The following SLC26A5 variants were observed in gnomAD, a reference collection of about 807,000 sequenced individuals.
SLC26A5 encodes solute carrier family 26 member 5, also known as prestin.
In SLC26A5, 51 loss-of-function variants were observed where a neutral mutation model predicts 81.0. That is an observed-to-expected ratio of 0.63 (90% CI 0.50 to 0.80). The LOEUF is 0.80. Among genes scored for constraint, SLC26A5 ranks in the 30% least tolerant of loss-of-function variants. The pLI is 0.00. For missense variants in SLC26A5, 771 were observed against 905.8 expected, an observed-to-expected ratio of 0.85 and a Z score of 1.91; for synonymous variants, 325 against 332.8, an observed-to-expected ratio of 0.98 and a Z score of 0.25.
rs555014573 is a variant in SLC26A5, at chr7:103,407,750, T to A, written c.888+101A>T. ...AAATTGTAACCTTCTTTTGGCAGAATTGAGAGCAAAAAATTCCTTTCATCC... is the reference window on the plus strand; with the variant it reads ...AAATTGTAACCTTCTTTTGGCAGAAATGAGAGCAAAAAATTCCTTTCATCC... On this transcript the variant is annotated intron_variant, in intron 8 of 19. Transcript: ENST00000306312. The A allele has an allele frequency of 2.2e-6, 3 of 1,366,082 alleles. No homozygotes were observed. The African/African-American group carries it at 4.3e-5, about 20-fold the overall frequency. The allele number at this position is 1,366,082 out of a possible 1,614,324, so 84.6% of individuals were successfully genotyped here.
intron 17 of SLC26A5, 117 bp from the exon 18 acceptor site, chr7:103,377,916 C>A (rs1198871689): frequency 2.2e-5 from 20 of 923,816 alleles, no homozygotes; most frequent in Non-Finnish European, 3.5e-5. Flanking sequence ...CTCTACCAGA[C>A]CCCTTGTAAA....
chr7:103,377,297 C>A (rs969215043), intron 18 of SLC26A5, among the ~76,000 whole-genome samples: 1 of 152,062 alleles, frequency 6.6e-6, no homozygotes, highest in African/African-American at 2.4e-5. Context: ...TAGCAATACA[C>A]ATTAAAATAT....
At chr7:103,364,933 G>C (rs1383221059) in intron 19 of SLC26A5, among the ~76,000 whole-genome samples, 2 of 125,424 alleles carry the variant, frequency 1.6e-5, no homozygotes, top group East Asian at 4.8e-4. Context: ...TGAGAACATA[G>C]GTTGTTTTTA....
intron 4 of SLC26A5, among the ~76,000 whole-genome samples, 171 bp from the exon 5 acceptor site, chr7:103,413,283 G>A (rs1824654306): frequency 6.6e-6 from 1 of 152,172 alleles, no homozygotes; most frequent in Non-Finnish European, 1.5e-5. Flanking sequence ...TGCTGATAGA[G>A]TCCAAGCTGA....
intron 19 of SLC26A5, among the ~76,000 whole-genome samples, chr7:103,366,726 G>A (rs1370103313): frequency 6.6e-6 from 1 of 152,050 alleles, no homozygotes; most frequent in Non-Finnish European, 1.5e-5. Context: ...ATTGATGGTG[G>A]TTTTTCTTAG....
chr7:103,411,690 G>T, intron 5 of SLC26A5, 104 bp from the exon 6 acceptor site: 2 of 1,295,436 alleles, frequency 1.5e-6, no homozygotes, highest in Admixed American at 1.7e-5. Flanking sequence ...AATCATGCTT[G>T]AAGGAAGGCT....
At chr7:103,403,695 C>CTTTTTTTTT (rs561652280) in intron 8 of SLC26A5, among the ~76,000 whole-genome samples, 1 of 128,582 alleles carries the variant, frequency 7.8e-6, no homozygotes, top group African/African-American at 2.9e-5. Context: ...CAATCCCCTG[C>CTTTTTTTTT]TTTTTTTTTT....
At chr7:103,372,405 C>G (rs1248475682), downstream of SLC26A5, among the ~76,000 whole-genome samples, 1 of 152,122 alleles carries the variant, frequency 6.6e-6, no homozygotes, top group Non-Finnish European at 1.5e-5. Flanking sequence ...GTCAATAAGA[C>G]AGCATATTAA....
intron 4 of SLC26A5, among the ~76,000 whole-genome samples, chr7:103,419,453 C>G (rs1562792661): frequency 6.6e-6 from 1 of 152,154 alleles, no homozygotes; most frequent in Non-Finnish European, 1.5e-5. Context: ...AGTGCCTTCA[C>G]ACATGCTATT....
At chr7:103,416,720 A>G (rs1254642271) in intron 4 of SLC26A5, among the ~76,000 whole-genome samples, 1 of 151,696 alleles carries the variant, frequency 6.6e-6, no homozygotes. Flanking sequence ...TGCCATATAT[A>G]TATTTTTCCT....
At chr7:103,381,641 T>C (rs998606906) in intron 14 of SLC26A5, among the ~76,000 whole-genome samples, 3 of 148,198 alleles carry the variant, frequency 2.0e-5, no homozygotes, top group Admixed American at 1.3e-4. Context: ...CATGCGTACA[T>C]ACCACATATA....
intron 4 of SLC26A5, among the ~76,000 whole-genome samples, chr7:103,419,309 C>T (rs1390838915): frequency 6.6e-6 from 1 of 152,014 alleles, no homozygotes; most frequent in Admixed American, 6.6e-5. Flanking sequence ...AGAATGAAAC[C>T]CAAAAATGGC....
At chr7:103,406,172 T>C (rs2116611456) in intron 8 of SLC26A5, among the ~76,000 whole-genome samples, 1 of 152,260 alleles carries the variant, frequency 6.6e-6, no homozygotes, top group Non-Finnish European at 1.5e-5. Flanking sequence ...TTAGCCCCCT[T>C]TCCAAGGGAG....
chr7:103,424,929 G>A (rs554604812), intron 2 of SLC26A5, among the ~76,000 whole-genome samples: 1 of 152,298 alleles, frequency 6.6e-6, no homozygotes, highest in South Asian at 2.1e-4. Flanking sequence ...CACTACTTGT[G>A]GATGTAAGCG....
At chr7:103,442,851 T>C (rs552474365) in intron 2 of SLC26A5, among the ~76,000 whole-genome samples, 2 of 152,346 alleles carry the variant, frequency 1.3e-5, no homozygotes, top group African/African-American at 2.4e-5. Flanking sequence ...TCAAGAATAC[T>C]GTAAGTCAAA....
At chr7:103,356,059 C>T (rs973374189) in intron 19 of SLC26A5, among the ~76,000 whole-genome samples, 4 of 152,134 alleles carry the variant, frequency 2.6e-5, no homozygotes, top group Non-Finnish European at 4.4e-5. Context: ...CTTGCTTTCC[C>T]GTTGCCCTTT....
chr7:103,424,955 T>A (rs1368598935), intron 2 of SLC26A5, among the ~76,000 whole-genome samples: 1 of 152,208 alleles, frequency 6.6e-6, no homozygotes, highest in Non-Finnish European at 1.5e-5. Context: ...CTCTTACCCA[T>A]GTATGTGGCA....
chr7:103,426,554 G>A (rs1825722045), intron 2 of SLC26A5, among the ~76,000 whole-genome samples: 1 of 152,138 alleles, frequency 6.6e-6, no homozygotes, highest in African/African-American at 2.4e-5. Context: ...GACACAGAGA[G>A]GAGACGATTC....
chr7:103,373,537 A>G (rs1412955212), downstream of SLC26A5, among the ~76,000 whole-genome samples: 1 of 152,218 alleles, frequency 6.6e-6, no homozygotes, highest in Admixed American at 6.5e-5. Flanking sequence ...TAACAAGTCA[A>G]TGTCATAAAA....
Sources: allele counts gnomAD v4.1 joint callset (sites outside exome capture counted in the v4.1 genomes callset), GRCh38; gene constraint gnomAD v4.1.1; transcripts MANE v1.5; gene names NCBI Gene and HGNC (gene_info 2026-07-23, HGNC 2026-07-21).